The following ZNF804B variants were observed in gnomAD, a reference collection of about 807,000 sequenced individuals.
ZNF804B encodes the protein zinc finger protein 804B, also known as zinc finger 804B.
In ZNF804B, 80 loss-of-function variants were observed where a neutral mutation model predicts 101.4. That is an observed-to-expected ratio of 0.79 (90% CI 0.66 to 0.95). The LOEUF (loss-of-function observed/expected upper bound fraction) is 0.95, where lower values mean the gene tolerates loss of function less well. Among genes scored for constraint, ZNF804B ranks in the 40% least tolerant of loss-of-function variants. The pLI, the probability that ZNF804B is intolerant of heterozygous loss-of-function variation, is 0.00. For missense variants in ZNF804B, 1,673 were observed against 1,561.9 expected, an observed-to-expected ratio of 1.07 and a Z score of -1.20; for synonymous variants, 622 against 558.8, an observed-to-expected ratio of 1.11 and a Z score of -1.59.
At chr7:88,880,701 A>G (rs992471664) in intron 1 of ZNF804B, among the ~76,000 whole-genome samples, 4 of 152,130 alleles carry the variant, frequency 2.6e-5, no homozygotes, top group African/African-American at 9.7e-5. Flanking sequence ...ATTTATACAC[A>G]ATGAGACAAA....
At chr7:88,793,556 G>A (rs1307139706) in intron 1 of ZNF804B, among the ~76,000 whole-genome samples, 2 of 151,914 alleles carry the variant, frequency 1.3e-5, no homozygotes, top group Non-Finnish European at 2.9e-5. Flanking sequence ...GATTATATAG[G>A]CCAGAATATG....
chr7:88,936,663 A>C (rs1304443780), intron 1 of ZNF804B, among the ~76,000 whole-genome samples: 1 of 152,068 alleles, frequency 6.6e-6, no homozygotes. Context: ...TACATTCTTC[A>C]ATCTTCCTTC....
chr7:89,169,742 T>A (rs566218065), intron 1 of ZNF804B, among the ~76,000 whole-genome samples: 1 of 152,310 alleles, frequency 6.6e-6, no homozygotes, highest in African/African-American at 2.4e-5. Context: ...AAAAAAATAT[T>A]CAATTAACTT....
chr7:89,231,097 A>G (rs751357809), intron 2 of ZNF804B, among the ~76,000 whole-genome samples: 1 of 152,064 alleles, frequency 6.6e-6, no homozygotes, highest in South Asian at 2.1e-4. Flanking sequence ...ATATAGGTCT[A>G]TGATCTAATT....
At chr7:88,967,123 G>A (rs1018616541) in intron 1 of ZNF804B, among the ~76,000 whole-genome samples, 1 of 151,530 alleles carries the variant, frequency 6.6e-6, no homozygotes, top group African/African-American at 2.4e-5. Context: ...AGTATAAAAG[G>A]AAAGATGAAG....
At chr7:89,219,227 GACAGAATCTATT>G (rs1227756958) in intron 2 of ZNF804B, among the ~76,000 whole-genome samples, 2 of 152,068 alleles carry the variant, frequency 1.3e-5, no homozygotes, top group Admixed American at 6.6e-5. Flanking sequence ...CTAGTATTAG[GACAGAATCTATT>G]ACAGAATCTA....
At position 89,336,504 on chromosome 7, in the gene ZNF804B, A is replaced by T; in HGVS notation, c.3522A>T (p.Leu1174=). ...AGCAGCATATGCAGAAGCAACTCCT[A>T]TCAAAGCATCTTCGAGTTTTGCCTG... is the stretch of plus-strand genomic sequence containing the variant. ...QAQQHMQKQL[L]SKHLRVLPAA... The change falls in exon 4 of 4, where the codon CTA becomes CTT. Residue 1174 remains leucine, a synonymous_variant. Transcript: ENST00000333190. 1 of 1,614,092 alleles carries T rather than the reference A, an allele frequency of 6.2e-7. No homozygotes were observed. The highest frequency in any genetic ancestry group is 8.5e-7 in the Non-Finnish European group (1 of 1,180,010).
chr7:89,326,566 A>G (rs1450596885), intron 2 of ZNF804B, among the ~76,000 whole-genome samples: 1 of 152,094 alleles, frequency 6.6e-6, no homozygotes, highest in East Asian at 1.9e-4. Flanking sequence ...TACACTTCCA[A>G]TTCAGGATTA....
intron 2 of ZNF804B, among the ~76,000 whole-genome samples, chr7:89,286,831 A>T (rs1015437333): frequency 6.6e-6 from 1 of 152,188 alleles, no homozygotes; most frequent in African/African-American, 2.4e-5. Context: ...AAATAAAAAT[A>T]TTTTTTAGAG....
At chr7:89,165,007 A>G (rs923282782) in intron 1 of ZNF804B, among the ~76,000 whole-genome samples, 1 of 152,124 alleles carries the variant, frequency 6.6e-6, no homozygotes, top group Non-Finnish European at 1.5e-5. Context: ...TTACTTTAAA[A>G]TATGAAGAAA....
chr7:89,171,897 T>G (rs1309607011), intron 1 of ZNF804B, among the ~76,000 whole-genome samples: 2 of 152,108 alleles, frequency 1.3e-5, no homozygotes, highest in Non-Finnish European at 2.9e-5. Flanking sequence ...AATAATTGAG[T>G]TATTTTAGAC....
chr7:89,037,553 A>G (rs1788946897), intron 1 of ZNF804B, among the ~76,000 whole-genome samples: 1 of 150,548 alleles, frequency 6.6e-6, no homozygotes, highest in African/African-American at 2.5e-5. Flanking sequence ...TATAGTGCAC[A>G]ATGTAATGCA....
chr7:89,278,792 C>T (rs1368136028), intron 2 of ZNF804B, among the ~76,000 whole-genome samples: 2 of 151,166 alleles, frequency 1.3e-5, no homozygotes, highest in East Asian at 3.9e-4. Flanking sequence ...CATGATGCCT[C>T]CAGCTTTGTT....
intron 1 of ZNF804B, among the ~76,000 whole-genome samples, chr7:88,901,679 T>C (rs569244076): frequency 5.5e-4 from 84 of 151,938 alleles, no homozygotes; most frequent in Non-Finnish European, 1.5e-5. Flanking sequence ...GTACTGGTTT[T>C]GGTTAGATTT....
intron 2 of ZNF804B, among the ~76,000 whole-genome samples, chr7:89,277,480 C>A (rs1179217848): frequency 8.5e-5 from 1 of 11,722 alleles, no homozygotes. Flanking sequence ...CCTCCCCCCT[C>A]CCCCCTCCCC....
At chr7:88,831,796 T>G (rs1219924234) in intron 1 of ZNF804B, among the ~76,000 whole-genome samples, 1 of 151,950 alleles carries the variant, frequency 6.6e-6, no homozygotes, top group Non-Finnish European at 1.5e-5. Context: ...ATTGAAATGA[T>G]AGTTTCTTAC....
At chr7:88,977,176 A>G (rs1413012478) in intron 1 of ZNF804B, among the ~76,000 whole-genome samples, 3 of 147,464 alleles carry the variant, frequency 2.0e-5, no homozygotes, top group Admixed American at 2.0e-4. Context: ...TTGATCAGGG[A>G]TATTGGCCCA....
At chr7:89,075,409 C>G (rs1421021074) in intron 1 of ZNF804B, among the ~76,000 whole-genome samples, 1 of 152,272 alleles carries the variant, frequency 6.6e-6, no homozygotes, top group Non-Finnish European at 1.5e-5. Flanking sequence ...GGCCCAGGTA[C>G]AGCTCCAGCT....
intron 1 of ZNF804B, among the ~76,000 whole-genome samples, chr7:89,041,338 G>T (rs180753668): frequency 6.6e-6 from 1 of 152,282 alleles, no homozygotes; most frequent in East Asian, 1.9e-4. Flanking sequence ...TTTGTGGGCA[G>T]GCCTGGTGCC....
Sources: allele counts gnomAD v4.1 joint callset (sites outside exome capture counted in the v4.1 genomes callset), GRCh38; gene constraint gnomAD v4.1.1; transcripts MANE v1.5; gene names NCBI Gene and HGNC (gene_info 2026-07-23, HGNC 2026-07-21).